LYPD3: variants seen among roughly 807,000 people sequenced by gnomAD.
LYPD3 encodes ly6/PLAUR domain-containing protein 3.
A neutral mutation model predicts 21.7 loss-of-function variants in LYPD3; 22 were observed. The observed-to-expected ratio is 1.01, with a 90% CI of 0.72 to 1.45. The LOEUF is 1.45. Among genes scored for constraint, LYPD3 ranks in the 40% most tolerant of loss-of-function variants. LYPD3 has a pLI of 0.00. For missense variants in LYPD3, 471 were observed against 466.9 expected, an observed-to-expected ratio of 1.01 and a Z score of -0.08; for synonymous variants, 179 against 203.0, an observed-to-expected ratio of 0.88 and a Z score of 1.00.
intron 2 of LYPD3, 36 bp downstream of exon 2, chr19:43,464,289 T>C (rs754531079): frequency 6.4e-7 from 1 of 1,571,790 alleles, no homozygotes; most frequent in East Asian, 2.4e-5. Flanking sequence ...CGGAGGAGCC[T>C]GCAGTGGTGT....
At position 43,461,471 on chromosome 19, in the gene LYPD3, G is replaced by A. The variant is rs1970774689; in HGVS notation, c.921C>T (p.Ser307=). The A allele has an allele frequency of 6.2e-7, 1 of 1,614,188 alleles. No individual in the cohort carries two copies. Among genetic ancestry groups the A allele is most frequent in the Non-Finnish European group, 8.5e-7 (1 of 1,180,036 alleles). ...CTTTTGCAGGATACTGCCCTGAATT[G>A]CTGCGGTCCTGGTGGCCAGCGGCGC... ...TGGAAGHQDR[S]NSGQYPAKGG... The change falls in exon 5 of 5, where the codon AGC becomes AGT. Residue 307 remains serine, a synonymous_variant. Coordinates refer to ENST00000244333, the MANE Select transcript of LYPD3 (RefSeq NM_014400.3).
chr19:43,463,482 G>C (rs1208639857), intron 3 of LYPD3, 117 bp downstream of exon 3: 1 of 1,390,438 alleles, frequency 7.2e-7, no homozygotes, highest in Non-Finnish European at 9.9e-7. Flanking sequence ...CCGCCCCAGA[G>C]TGTGACCCCA....
intron 4 of LYPD3, 117 bp from the exon 5 acceptor site, chr19:43,461,964 C>G (rs1051968745): frequency 1.9e-6 from 2 of 1,075,376 alleles, no homozygotes; most frequent in Non-Finnish European, 2.6e-6. Context: ...TGGTGGCTCA[C>G]GCCTGTAATC....
chr19:43,462,123 A>G (rs1322868454), intron 4 of LYPD3, among the ~76,000 whole-genome samples: 1 of 152,138 alleles, frequency 6.6e-6, no homozygotes, highest in Non-Finnish European at 1.5e-5. Context: ...AGGTCCTACT[A>G]TGAGAAACAG....
chr19:43,464,173 G>T, intron 2 of LYPD3, 152 bp downstream of exon 2: 1 of 1,038,418 alleles, frequency 9.6e-7, no homozygotes, highest in Non-Finnish European at 1.4e-6. Flanking sequence ...GGCCTGGCCT[G>T]CAAGGCTGTG....
chr19:43,464,352 T>G lies in LYPD3; in HGVS notation c.184A>C (p.Thr62Pro). ...GTCTCCACCGCCCCCACGGCCTCGGTGCAGACGTCCACGCCCGGCGCGCAC... is the reference window on the plus strand; with the variant it reads ...GTCTCCACCGCCCCCACGGCCTCGGGGCAGACGTCCACGCCCGGCGCGCAC... ...VKCAPGVDVC[T>P]EAVGAVETIH... The change falls in exon 2 of 5, where the codon ACC (threonine) becomes CCC (proline). Residue 62 changes from threonine (T) to proline (P), a missense_variant. Thr to Pro is a conservative substitution (Grantham distance 38). Transcript: ENST00000244333. 6.2e-7 allele frequency: 1 copy of G among 1,612,910 alleles called. No homozygotes were observed. The highest frequency in any genetic ancestry group is 8.5e-7 in the Non-Finnish European group (1 of 1,179,636).
At chr19:43,464,918 CTTT>C (rs1406529929) in intron 1 of LYPD3, among the ~76,000 whole-genome samples, 1 of 136,394 alleles carries the variant, frequency 7.3e-6, no homozygotes, top group Non-Finnish European at 1.5e-5. Flanking sequence ...ACACTTTTTT[CTTT>C]TTTTCTTTTT....
upstream of LYPD3, chr19:43,465,608 T>TTC: frequency 6.3e-7 from 1 of 1,588,184 alleles, no homozygotes. Context: ...CCCCTGGATG[T>TTC]GCCGCCTCCG....
chr19:43,464,313 G>A lies in LYPD3; in HGVS notation c.211+12C>T, dbSNP rs749588474. 5 of 1,596,114 alleles carry A rather than the reference G, an allele frequency of 3.1e-6. No homozygotes were observed. Among genetic ancestry groups the A allele is most frequent in the East Asian group, 2.3e-5 (1 of 43,970 alleles). ...CTGCAGTGGTGTGCGTGGCCCGGGG[G>A]TCCCCACTCACTGGTCTCCACCGCC... is the stretch of plus-strand genomic sequence containing the variant. On this transcript the variant is annotated intron_variant, in intron 2 of 4. Coordinates refer to ENST00000244333, the MANE Select transcript of LYPD3 (RefSeq NM_014400.3).
chr19:43,463,552 C>A (rs971504651), intron 3 of LYPD3, 47 bp downstream of exon 3: 48 of 1,589,246 alleles, frequency 3.0e-5, no homozygotes, highest in Non-Finnish European at 3.9e-5. Flanking sequence ...TCTTGGCAGG[C>A]CCGAATGTGG....
At chr19:43,463,430 C>T in intron 3 of LYPD3, 143 bp from the exon 4 acceptor site, 1 of 1,364,300 alleles carries the variant, frequency 7.3e-7, no homozygotes, top group Non-Finnish European at 1.0e-6. Flanking sequence ...CGCAACCTCG[C>T]GGCGCCTACA....
intron 4 of LYPD3, 114 bp from the exon 5 acceptor site, chr19:43,461,961 T>A: frequency 8.9e-7 from 1 of 1,126,228 alleles, no homozygotes; most frequent in Non-Finnish European, 1.3e-6. Context: ...GCGTGGTGGC[T>A]CACGCCTGTA....
rs578017676 is a variant in LYPD3 at position 43,463,023 on chromosome 19, G to T, written c.544+103C>A. The T allele has an allele frequency of 1.8e-5, 23 of 1,274,462 alleles. No homozygotes were observed. In the East Asian group the frequency reaches 4.9e-4, roughly 27 times the overall value. The allele number at this position is 1,274,462 out of a possible 1,614,324, so 78.9% of individuals were successfully genotyped here. A position where few individuals can be genotyped will look rare whatever the true frequency, so the allele number is the denominator to read the frequency against. On this transcript the variant is annotated intron_variant, in intron 4 of 4. Coordinates refer to ENST00000244333, the MANE Select transcript of LYPD3 (RefSeq NM_014400.3). ...GGCCCCACGATTCCCAGAATGCGTC[G>T]CAGGTTAAGGAAACGCTTTGGGTAA...
In LYPD3 at chr19:43,463,121, C is replaced by T; in HGVS notation, c.544+5G>A. The T allele has an allele frequency of 6.2e-7, 1 of 1,611,500 alleles. No homozygotes were observed. Among genetic ancestry groups the T allele is most frequent in the South Asian group, 1.1e-5 (1 of 91,072 alleles). On this transcript the variant is annotated splice_donor_5th_base_variant and intron_variant, in intron 4 of 4. Transcript: ENST00000244333. ...CGTAGGTCCCGTGCTCCGGGGCTCC[C>T]TCACCTGCCGTCAAGGTGACGTTGC...
chr19:43,463,262 G>A lies in LYPD3; in HGVS notation c.408C>T (p.Asn136=), dbSNP rs773432885. The A allele has an allele frequency of 3.7e-6, 6 of 1,604,070 alleles. No homozygotes were observed. Among genetic ancestry groups the A allele is most frequent in the Non-Finnish European group, 5.1e-6 (6 of 1,179,966 alleles). The part of the protein sequence containing the change: ...PAGNESAYPP[N]GVECYSCVGL... ...CCACACAGCTGTAGCACTCCACGCC[G>A]TTGGGCGGGTATGCACTCTCATTAC... Residue 136 remains asparagine (N), a synonymous_variant, in exon 4 of 5, where the codon AAC becomes AAT. Transcript: ENST00000244333.
At chr19:43,464,926 C>CTTTTTTTTT (rs768875729) in intron 1 of LYPD3, among the ~76,000 whole-genome samples, 8 of 97,250 alleles carry the variant, frequency 8.2e-5, no homozygotes, top group African/African-American at 1.3e-4. Context: ...TTCTTTTTTT[C>CTTTTTTTTT]TTTTTTTCTT....
chr19:43,463,049 A>G, intron 4 of LYPD3, 77 bp downstream of exon 4: 2 of 1,521,352 alleles, frequency 1.3e-6, no homozygotes, highest in Non-Finnish European at 1.8e-6. Context: ...CTTTGGGTAA[A>G]GGGCTCCCTA....
chr19:43,464,934 C>CTTTTTTTTTTTTT (rs34393417), intron 1 of LYPD3, among the ~76,000 whole-genome samples: 1 of 62,800 alleles, frequency 1.6e-5, no homozygotes, highest in Admixed American at 1.9e-4. Context: ...TTCTTTTTTT[C>CTTTTTTTTTTTTT]TTTTTTTTTT....
rs1358794768 is a variant in LYPD3, at chr19:43,464,321, T to A, written c.211+4A>T. On this transcript the variant is annotated splice_donor_region_variant and intron_variant, in intron 2 of 4. Coordinates refer to ENST00000244333, the MANE Select transcript of LYPD3 (RefSeq NM_014400.3). ...GTGTGCGTGGCCCGGGGGTCCCCAC[T>A]CACTGGTCTCCACCGCCCCCACGGC... The A allele has an allele frequency of 1.2e-6, 2 of 1,602,338 alleles. No homozygotes were observed. The highest frequency in any genetic ancestry group is 1.7e-6 in the Non-Finnish European group (2 of 1,175,236).
Sources: allele counts gnomAD v4.1 joint callset (sites outside exome capture counted in the v4.1 genomes callset), GRCh38; gene constraint gnomAD v4.1.1; transcripts MANE v1.5; gene names NCBI Gene and HGNC (gene_info 2026-07-23, HGNC 2026-07-21).